RHOBTB1: variants seen among roughly 807,000 people sequenced by gnomAD.
RHOBTB1 encodes Rho related BTB domain containing 1.
RHOBTB1 carries 40 observed loss-of-function variants against 71.6 expected under a neutral mutation model. The ratio of observed to expected loss-of-function variants is 0.56; its 90% CI spans 0.43 to 0.73. The LOEUF is 0.73. Among genes scored for constraint, RHOBTB1 ranks in the 30% least tolerant of loss-of-function variants. The probability of loss-of-function intolerance (pLI) is 0.00; values close to 1 mark genes in which losing one functional copy is unlikely to be tolerated. For missense variants in RHOBTB1, 797 were observed against 894.0 expected (o/e 0.89, Z 1.38); for synonymous variants, 319 against 334.9 (o/e 0.95, Z 0.52).
rs533506249 is a variant in RHOBTB1 at position 60,914,202 on chromosome 10, G to C, written c.-10-2650C>G. Among the ~76,000 whole-genome samples the C allele has an allele frequency of 1.8e-3, 280 of 152,306 alleles. 2 individuals are homozygous for C. Among genetic ancestry groups the C allele is most frequent in the African/African-American group, 6.4e-3 (266 of 41,562 alleles). The stretch of plus-strand genomic sequence containing the variant: ...GACAGAAAAAGTTTTGGGTGTGGAG[G>C]GGGCAGGGAGGAGGTCACAGTTAAT... On this transcript the variant is annotated intron_variant, in intron 2 of 10. Transcript: ENST00000337910.
At chr10:60,885,937 C>T (rs895214198) in intron 7 of RHOBTB1, among the ~76,000 whole-genome samples, 175 bp downstream of exon 7, 8 of 152,134 alleles carry the variant, frequency 5.3e-5, no homozygotes, top group African/African-American at 1.9e-4. Context: ...GGTGACCAAA[C>T]CCTCAAGCAC....
Position 60,888,526 on chromosome 10 carries a change from A to T in RHOBTB1, c.1142T>A (p.Met381Lys), listed in dbSNP as rs528910555. The change falls in exon 6 of 11, where the codon ATG becomes AAG. Residue 381 changes from methionine to lysine, a missense_variant. Physicochemically the swap from Met to Lys is moderately conservative, Grantham distance 95 (BLOSUM62 -1). Around this residue, in one of 2 missense-constraint regions of RHOBTB1, gnomAD observed 658 missense variants for 681.5 expected, o/e 0.97. Transcript: ENST00000337910. Reference protein sequence around the residue: ...LTGWSKGFIGMHREMQVNPIS... With the variant: ...LTGWSKGFIGKHREMQVNPIS... The stretch of plus-strand genomic sequence containing the variant: ...GGGGTTGACTTGCATTTCCCTGTGC[A>T]TGCCAATGAACCCCTTACTCCATCC... The T allele has an allele frequency of 6.2e-7, 1 of 1,614,196 alleles. No homozygotes were observed. Among genetic ancestry groups the T allele is most frequent in the African/African-American group, 1.3e-5 (1 of 75,058 alleles).
chr10:60,911,666 C>T, intron 2 of RHOBTB1, 114 bp from the exon 3 acceptor site: 3 of 800,660 alleles, frequency 3.7e-6, no homozygotes, highest in South Asian at 1.6e-5. Context: ...TGGAGGTGCA[C>T]AAGCACAGGA....
intron 2 of RHOBTB1, among the ~76,000 whole-genome samples, chr10:60,920,308 G>GT (rs2083485282): frequency 6.6e-6 from 1 of 152,046 alleles, no homozygotes; most frequent in Non-Finnish European, 1.5e-5. Flanking sequence ...AATTTGGGGG[G>GT]TCCTTGAAAA....
chr10:60,908,819 T>C (rs1226159833), intron 4 of RHOBTB1, among the ~76,000 whole-genome samples: 1 of 152,142 alleles, frequency 6.6e-6, no homozygotes, highest in Non-Finnish European at 1.5e-5. Context: ...TGTGAGGAAT[T>C]GGAAAAGGCA....
At chr10:60,953,681 A>C (rs909847104) in intron 2 of RHOBTB1, among the ~76,000 whole-genome samples, 4 of 152,158 alleles carry the variant, frequency 2.6e-5, no homozygotes, top group African/African-American at 9.7e-5. Flanking sequence ...TGATAACAGA[A>C]TAGTCTAGTG....
At chr10:60,880,464 T>C (rs559977836) in intron 7 of RHOBTB1, among the ~76,000 whole-genome samples, 25 of 152,226 alleles carry the variant, frequency 1.6e-4, no homozygotes, top group Non-Finnish European at 2.1e-4. Flanking sequence ...TAACGTATCA[T>C]AGGGAAGGTT....
chr10:60,998,499 C>T (rs115546758), intron 1 of RHOBTB1, among the ~76,000 whole-genome samples: 1,869 of 152,158 alleles, frequency 0.012, 24 homozygotes, highest in African/African-American at 0.03. Flanking sequence ...GGTTTGTAAT[C>T]GGCTCCGTGA....
intron 2 of RHOBTB1, among the ~76,000 whole-genome samples, chr10:60,980,693 A>G (rs1482747104): frequency 6.6e-6 from 1 of 152,232 alleles, no homozygotes; most frequent in Non-Finnish European, 1.5e-5. Context: ...TGGGGAATAA[A>G]GAAAAAGGAA....
intron 1 of RHOBTB1, among the ~76,000 whole-genome samples, chr10:60,996,202 T>C (rs2087042565): frequency 6.6e-6 from 1 of 152,154 alleles, no homozygotes; most frequent in African/African-American, 2.4e-5. Flanking sequence ...TTCTCCCCAC[T>C]TACATATCAA....
At chr10:60,973,964 AT>A (rs2086240822) in intron 2 of RHOBTB1, among the ~76,000 whole-genome samples, 1 of 152,182 alleles carries the variant, frequency 6.6e-6, no homozygotes, top group African/African-American at 2.4e-5. Context: ...AGATGGAAGA[AT>A]GACCTTATTA....
At chr10:60,897,428 T>C (rs1589228113) in intron 4 of RHOBTB1, among the ~76,000 whole-genome samples, 1 of 152,352 alleles carries the variant, frequency 6.6e-6, no homozygotes, top group South Asian at 2.1e-4. Context: ...TTTTCTAGTA[T>C]CATTTATTTT....
chr10:60,990,684 C>T (rs1029595902), intron 1 of RHOBTB1, among the ~76,000 whole-genome samples: 14 of 152,180 alleles, frequency 9.2e-5, no homozygotes, highest in African/African-American at 2.4e-4. Context: ...TGCTATTCTT[C>T]CATCCTCTGT....
chr10:60,955,031 T>C (rs1241009643), intron 2 of RHOBTB1, among the ~76,000 whole-genome samples: 1 of 127,822 alleles, frequency 7.8e-6, no homozygotes, highest in Non-Finnish European at 1.7e-5. Flanking sequence ...GAATCTTTTC[T>C]TTTCTTTCTT....
rs539387571 is a variant in RHOBTB1 at position 60,872,457 on chromosome 10, G to A, written c.1816-167C>T. The stretch of plus-strand genomic sequence containing the variant: ...TTTTGACTTTGGCCATGGCTCCAAT[G>A]CCAGCCAATGTAGTGCTGGGCACAC... On this transcript the variant is annotated intron_variant, in intron 9 of 10. Transcript: ENST00000337910. Among the ~76,000 whole-genome samples, 8 of 152,316 alleles carry A rather than the reference G, an allele frequency of 5.3e-5. 1 individual carries two copies. The South Asian group carries it at 1.7e-3, about 32-fold the overall frequency.
intron 9 of RHOBTB1, among the ~76,000 whole-genome samples, chr10:60,874,573 T>C (rs916396663): frequency 1.3e-5 from 2 of 152,220 alleles, no homozygotes; most frequent in African/African-American, 4.8e-5. Flanking sequence ...TGCAATGAGA[T>C]GTTCATTAAC....
chr10:60,987,596 C>T (rs192949459), intron 1 of RHOBTB1, among the ~76,000 whole-genome samples: 1 of 152,280 alleles, frequency 6.6e-6, no homozygotes, highest in Admixed American at 6.5e-5. Context: ...GCAATGACCT[C>T]TCATCTAATG....
chr10:60,966,691 TA>T (rs776904891), intron 2 of RHOBTB1, among the ~76,000 whole-genome samples: 78 of 152,128 alleles, frequency 5.1e-4, no homozygotes, highest in Non-Finnish European at 9.3e-4. Flanking sequence ...TTTTAATCTT[TA>T]TTTTTTTTAC....
chr10:60,902,049 AC>A (rs1278250933), intron 4 of RHOBTB1, among the ~76,000 whole-genome samples: 2 of 152,198 alleles, frequency 1.3e-5, no homozygotes, highest in Non-Finnish European at 2.9e-5. Context: ...CTTTCCAAGG[AC>A]AATTTCATCC....
Sources: gnomAD v4.1 joint callset for allele counts (sites outside exome capture counted in the v4.1 genomes callset) on GRCh38, gnomAD v4.1.1 for gene constraint, gnomAD v4.1.1 regional missense constraint, MANE v1.5 for transcripts, NCBI Gene and HGNC (gene_info 2026-07-23, HGNC 2026-07-21) for gene names.